The following CHID1 variants were observed in gnomAD, a reference collection of about 807,000 sequenced individuals.
The protein encoded by CHID1 is chitinase domain containing 1, also known as chitinase domain-containing protein 1.
A neutral mutation model predicts 55.4 loss-of-function variants in CHID1; 44 were observed. That is an observed-to-expected ratio of 0.79 (90% confidence interval 0.62 to 1.02). The LOEUF is 1.02. CHID1 is among the 50% of genes least tolerant of loss of function. The pLI is 0.00. For missense variants in CHID1, 491 were observed against 515.3 expected (o/e 0.95, Z 0.46); for synonymous variants, 216 against 212.9 (o/e 1.01, Z -0.13).
chr11:910,607 A>C, intron 1 of CHID1, 168 bp downstream of exon 1: 1 of 1,233,818 alleles, frequency 8.1e-7, no homozygotes, highest in Non-Finnish European at 1.0e-6. Flanking sequence ...ACCCTCTCAC[A>C]CGCCCCCTCA....
Position 870,449 on chromosome 11 carries a change from T to A in CHID1, c.1010A>T (p.Gln337Leu). 1 of 1,612,192 alleles carries A rather than the reference T, an allele frequency of 6.2e-7. No homozygotes were observed. Among genetic ancestry groups the A allele is most frequent in the Non-Finnish European group, 8.5e-7 (1 of 1,179,316 alleles). The change falls in exon 11 of 13, where the codon CAG becomes CTG. Residue 337 changes from glutamine (Q) to leucine (L), a missense_variant. Coordinates refer to ENST00000323578, the MANE Select transcript of CHID1 (RefSeq NM_023947.4). ...GTACTCGAAGAAGTGCTCTGAGGCCTGGCTGTCCCACACCATCCGGGGCCT... is the reference window on the plus strand; with the variant it reads ...GTACTCGAAGAAGTGCTCTGAGGCCAGGCTGTCCCACACCATCCGGGGCCT... ...DHRPRMVWDS[Q>L]ASEHFFEYKK...
At chr11:893,344 C>T (rs1222167410) in intron 8 of CHID1, 83 bp downstream of exon 8, 32 of 1,127,454 alleles carry the variant, frequency 2.8e-5, no homozygotes, top group African/African-American at 6.2e-5. Context: ...AGGGCCTGGG[C>T]CCTTTGGCCG....
rs976184898 is a variant in CHID1, at chr11:868,400, C to G, written c.*1458G>C. The G allele has an allele frequency of 1.3e-4, 20 of 152,156 alleles. No homozygotes were observed. Among genetic ancestry groups the G allele is most frequent in the Admixed American group, 3.9e-4 (6 of 15,276 alleles). The allele number at this position is 152,156 out of a possible 1,614,324, so 9.4% of individuals were successfully genotyped here. ...TACAGGCACATGCCACCATGTCTTG[C>G]TAATTTTTCTATTTTTAGGGGGTAG... On this transcript the variant is annotated 3_prime_UTR_variant, in exon 13 of 13. Coordinates refer to ENST00000323578, the MANE Select transcript of CHID1 (RefSeq NM_023947.4).
intron 8 of CHID1, among the ~76,000 whole-genome samples, chr11:885,096 G>T (rs1850296161): frequency 6.6e-6 from 1 of 152,224 alleles, no homozygotes. Flanking sequence ...GCGGCCGGAG[G>T]AGCAGCATGC....
At chr11:890,791 T>C (rs1850753639) in intron 8 of CHID1, among the ~76,000 whole-genome samples, 1 of 152,170 alleles carries the variant, frequency 6.6e-6, no homozygotes, top group South Asian at 2.1e-4. Flanking sequence ...CGCAGAGTGC[T>C]CAGTTCCAGG....
At chr11:903,471 G>A (rs1851976185) in intron 2 of CHID1, among the ~76,000 whole-genome samples, 8 of 152,222 alleles carry the variant, frequency 5.3e-5, no homozygotes, top group Admixed American at 5.2e-4. Context: ...AGGGCCATAC[G>A]CTTTGCTGGA....
intron 1 of CHID1, 75 bp from the exon 2 acceptor site, chr11:904,934 G>A: frequency 1.3e-6 from 2 of 1,503,166 alleles, no homozygotes; most frequent in Non-Finnish European, 1.8e-6. Flanking sequence ...TGCTGATGGG[G>A]CCACTTTCTC....
chr11:884,393 G>T (rs1469685941), intron 8 of CHID1, among the ~76,000 whole-genome samples: 1 of 152,204 alleles, frequency 6.6e-6, no homozygotes, highest in Non-Finnish European at 1.5e-5. Flanking sequence ...GCCTCTCTGA[G>T]ACCAGGGTAC....
At chr11:906,414 T>C (rs1371255825) in intron 1 of CHID1, among the ~76,000 whole-genome samples, 1 of 151,976 alleles carries the variant, frequency 6.6e-6, no homozygotes, top group Non-Finnish European at 1.5e-5. Context: ...AGTTTTTGTA[T>C]TTTTAGTAGA....
intron 1 of CHID1, among the ~76,000 whole-genome samples, chr11:909,794 A>G (rs1049112850): frequency 6.6e-6 from 1 of 152,188 alleles, no homozygotes; most frequent in African/African-American, 2.4e-5. Context: ...TTTTGGCAAC[A>G]CAGCCAGACC....
intron 2 of CHID1, chr11:903,573 G>C (rs1027061960): frequency 4.6e-6 from 1 of 215,720 alleles, no homozygotes; most frequent in Admixed American, 5.5e-5. Context: ...CTGAGATCAG[G>C]AGTTGGAGAC....
Position 899,363 on chromosome 11 carries a change from G to C in CHID1, c.585C>G (p.Asn195Lys), listed in dbSNP as rs746151251. Reference sequence around the variant, plus strand: ...ACACGCGCTTCTGGCTTAGCAGCTGGTTCCAGACCTCCACCACGAAGCCAT... The same window carrying C: ...ACACGCGCTTCTGGCTTAGCAGCTGCTTCCAGACCTCCACCACGAAGCCAT... The part of the protein sequence containing the change: ...HFDGFVVEVW[N>K]QLLSQKRVGL... The change falls in exon 7 of 13, where the codon AAC becomes AAG. Residue 195 changes from asparagine (N) to lysine (K), a missense_variant. Physicochemically the swap from Asn to Lys is moderately conservative, Grantham distance 94. Coordinates refer to ENST00000323578, the MANE Select transcript of CHID1 (RefSeq NM_023947.4). 45 of 1,604,940 alleles carry C rather than the reference G, an allele frequency of 2.8e-5. No individual in the cohort carries two copies. The highest frequency in any genetic ancestry group is 3.7e-5 in the Non-Finnish European group (43 of 1,175,814).
At chr11:913,321 A>G (rs890349574), upstream of CHID1, among the ~76,000 whole-genome samples, 3 of 152,212 alleles carry the variant, frequency 2.0e-5, no homozygotes, top group Non-Finnish European at 2.9e-5. Context: ...AGGCCAATGC[A>G]TGAGTTACTG....
At chr11:898,094 C>A (rs1851513175) in intron 7 of CHID1, among the ~76,000 whole-genome samples, 1 of 152,198 alleles carries the variant, frequency 6.6e-6, no homozygotes, top group Non-Finnish European at 1.5e-5. Flanking sequence ...CCTGTACCGG[C>A]TCCAGGCTGA....
chr11:902,506 C>G (rs1004442731), intron 3 of CHID1, among the ~76,000 whole-genome samples, 176 bp from the exon 4 acceptor site: 1 of 152,222 alleles, frequency 6.6e-6, no homozygotes, highest in African/African-American at 2.4e-5. Flanking sequence ...TGGACTGCCA[C>G]TCACAGCCTG....
At chr11:902,174 C>T (rs1351463248) in intron 4 of CHID1, 24 bp downstream of exon 4, 1 of 1,612,550 alleles carries the variant, frequency 6.2e-7, no homozygotes, top group Non-Finnish European at 8.5e-7. Flanking sequence ...GGGGCAAGCA[C>T]AGTCAAGCAG....
chr11:902,872 C>T (rs1851923787), intron 3 of CHID1, 90 bp downstream of exon 3: 1 of 1,253,512 alleles, frequency 8.0e-7, no homozygotes, highest in Non-Finnish European at 1.1e-6. Context: ...AGACCCCCAT[C>T]ACTGACTGGC....
chr11:872,035 G>A (rs1292037782), intron 10 of CHID1, among the ~76,000 whole-genome samples: 1 of 152,194 alleles, frequency 6.6e-6, no homozygotes, highest in Non-Finnish European at 1.5e-5. Context: ...GACCCCATCG[G>A]GTAGCTCTGG....
intron 7 of CHID1, among the ~76,000 whole-genome samples, chr11:897,565 C>T (rs532739093): frequency 6.6e-6 from 1 of 152,320 alleles, no homozygotes; most frequent in African/African-American, 2.4e-5. Context: ...CAGCCAGGAA[C>T]GCAGGCACCT....
Sources: allele counts gnomAD v4.1 joint callset (sites outside exome capture counted in the v4.1 genomes callset), GRCh38; gene constraint gnomAD v4.1.1; transcripts MANE v1.5; gene names NCBI Gene and HGNC (gene_info 2026-07-23, HGNC 2026-07-21).